The following GLRX3 variants were observed in gnomAD, a reference collection of about 807,000 sequenced individuals.
GLRX3 encodes the protein glutaredoxin 3.
GLRX3 carries 22 observed loss-of-function variants against 49.5 expected under a neutral mutation model. That is an observed-to-expected ratio of 0.44 (90% CI 0.32 to 0.63). The LOEUF is 0.63. Among genes scored for constraint, GLRX3 ranks in the 30% least tolerant of loss-of-function variants. The pLI is 0.05. For missense variants in GLRX3, 385 were observed against 396.3 expected (o/e 0.97, Z 0.24); for synonymous variants, 133 against 140.0 (o/e 0.95, Z 0.35).
At chr10:130,140,297 G>T (rs117355815) in intron 1 of GLRX3, among the ~76,000 whole-genome samples, 2,049 of 152,282 alleles carry the variant, frequency 0.013, 20 homozygotes, top group Non-Finnish European at 0.021. Context: ...TGTGGTTTTT[G>T]TCTGATGGTT....
chr10:130,141,517 A>T (rs1209547880), intron 1 of GLRX3, among the ~76,000 whole-genome samples: 1 of 152,148 alleles, frequency 6.6e-6, no homozygotes, highest in East Asian at 1.9e-4. Context: ...CTGATTTCTT[A>T]CTGTCACTGT....
intron 8 of GLRX3, among the ~76,000 whole-genome samples, chr10:130,173,428 A>G (rs1862853290): frequency 6.6e-6 from 1 of 152,180 alleles, no homozygotes; most frequent in Admixed American, 6.5e-5. Context: ...CGAGCAGACC[A>G]TGCTCTTGCT....
At chr10:130,143,375 G>A (rs899337376) in intron 1 of GLRX3, among the ~76,000 whole-genome samples, 1 of 152,068 alleles carries the variant, frequency 6.6e-6, no homozygotes, top group African/African-American at 2.4e-5. Context: ...GATTTTTTTG[G>A]GAGGTGGTAT....
chr10:130,156,371 C>T (rs1862470962), intron 2 of GLRX3, among the ~76,000 whole-genome samples: 1 of 152,160 alleles, frequency 6.6e-6, no homozygotes, highest in Non-Finnish European at 1.5e-5. Flanking sequence ...CCCAAAGGCC[C>T]CTCTTAATTG....
At chr10:130,178,404 G>A (rs1182456322) in intron 10 of GLRX3, among the ~76,000 whole-genome samples, 1 of 151,978 alleles carries the variant, frequency 6.6e-6, no homozygotes, top group African/African-American at 2.4e-5. Flanking sequence ...ACAGGCACAT[G>A]CCACCATGCC....
chr10:130,154,020 C>T (rs1206437054), intron 2 of GLRX3, among the ~76,000 whole-genome samples: 3 of 152,190 alleles, frequency 2.0e-5, no homozygotes, highest in Non-Finnish European at 4.4e-5. Flanking sequence ...CAGCAATGGC[C>T]TACTCAAGCC....
intron 2 of GLRX3, among the ~76,000 whole-genome samples, chr10:130,154,562 C>T (rs1310666272): frequency 2.0e-5 from 3 of 149,470 alleles, no homozygotes; most frequent in Admixed American, 1.3e-4. Context: ...TTTTGAAATA[C>T]TATTTTTTTT....
At chr10:130,164,227 CTG>C (rs1271466665) in intron 4 of GLRX3, among the ~76,000 whole-genome samples, 2 of 152,188 alleles carry the variant, frequency 1.3e-5, no homozygotes, top group Non-Finnish European at 2.9e-5. Context: ...TGTCCTTACT[CTG>C]TGCTCCTCAT....
At chr10:130,139,650 A>C (rs548625948) in intron 1 of GLRX3, among the ~76,000 whole-genome samples, 2 of 140,122 alleles carry the variant, frequency 1.4e-5, no homozygotes, top group South Asian at 2.4e-4. Flanking sequence ...TCAAAAAAAA[A>C]AAAACCAAAA....
intron 4 of GLRX3, among the ~76,000 whole-genome samples, 191 bp from the exon 5 acceptor site, chr10:130,166,316 A>C (rs1862685712): frequency 6.6e-6 from 1 of 151,848 alleles, no homozygotes; most frequent in East Asian, 1.9e-4. Flanking sequence ...GATATGGTTC[A>C]AGGTCAAATA....
At chr10:130,158,461 T>C (rs1862518095) in intron 2 of GLRX3, among the ~76,000 whole-genome samples, 1 of 152,226 alleles carries the variant, frequency 6.6e-6, no homozygotes, top group South Asian at 2.1e-4. Context: ...AAGATCACAT[T>C]ACCTTATTTC....
rs184005131 is a variant in GLRX3 at position 130,160,737 on chromosome 10, A to G, written c.277-59A>G. The G allele has an allele frequency of 9.7e-5, 96 of 987,894 alleles. 1 individual carries two copies. In the East Asian group the frequency reaches 2.0e-3, roughly 21 times the overall value. The allele number at this position is 987,894 out of a possible 1,614,324, so 61.2% of individuals were successfully genotyped here. On this transcript the variant is annotated intron_variant, in intron 3 of 10. Transcript: ENST00000331244. ...CTGTTGTCCCCTTTAAAAATCTGCT[A>G]TAACAATGTCATTATTATGGAATGC... is the stretch of plus-strand genomic sequence containing the variant.
At chr10:130,153,220 G>T (rs979890618) in intron 2 of GLRX3, among the ~76,000 whole-genome samples, 10 of 152,170 alleles carry the variant, frequency 6.6e-5, no homozygotes, top group African/African-American at 2.4e-4. Flanking sequence ...AAGGTTTTTA[G>T]CTTCCTTGCA....
intron 6 of GLRX3, among the ~76,000 whole-genome samples, chr10:130,168,946 T>G (rs758301939): frequency 9.2e-5 from 14 of 152,196 alleles, no homozygotes; most frequent in Non-Finnish European, 1.9e-4. Flanking sequence ...ATATAAAACA[T>G]GTTAAGATGA....
chr10:130,148,974 C>T (rs1484287251), intron 2 of GLRX3, among the ~76,000 whole-genome samples: 1 of 152,056 alleles, frequency 6.6e-6, no homozygotes, highest in Non-Finnish European at 1.5e-5. Flanking sequence ...GGGAGGATTG[C>T]TTAAGTCCAG....
In GLRX3 at chr10:130,160,908, A is replaced by C; in HGVS notation, c.389A>C (p.Lys130Thr). The change falls in exon 4 of 11, where the codon AAA becomes ACA. Residue 130 changes from lysine to threonine, a missense_variant. By Grantham distance (78) the Lys-to-Thr change is moderately conservative. Around this residue, in one of 2 missense-constraint regions of GLRX3, gnomAD observed 374 missense variants for 358.6 expected, o/e 1.04. Coordinates refer to ENST00000331244, the MANE Select transcript of GLRX3 (RefSeq NM_006541.5). ...CTACCCAGCGCTAATGAACATCTTA[A>C]AGAAGATCTCAACCTTCGCTTGAAG... is the stretch of plus-strand genomic sequence containing the variant. ...SFLPSANEHL[K>T]EDLNLRLKKL... 2 of 1,613,530 alleles carry C rather than the reference A, an allele frequency of 1.2e-6. No homozygotes were observed. Among genetic ancestry groups the C allele is most frequent in the Non-Finnish European group, 1.7e-6 (2 of 1,179,466 alleles).
intron 4 of GLRX3, among the ~76,000 whole-genome samples, chr10:130,162,940 A>G (rs1303778255): frequency 1.3e-5 from 2 of 152,052 alleles, no homozygotes; most frequent in African/African-American, 4.8e-5. Context: ...TAGATATTGT[A>G]TGATTATTCA....
chr10:130,157,974 G>A (rs1469159815), intron 2 of GLRX3, among the ~76,000 whole-genome samples: 1 of 152,116 alleles, frequency 6.6e-6, no homozygotes, highest in Non-Finnish European at 1.5e-5. Flanking sequence ...GACTTCAGAT[G>A]CCCTTGATGT....
Position 130,136,486 on chromosome 10 carries a change from TGA to T in GLRX3, c.68_69del (p.Glu23GlyfsTer35). 7.9e-7 allele frequency: 1 copy of T among 1,266,272 alleles called. No individual in the cohort carries two copies. Among genetic ancestry groups the T allele is most frequent in the Non-Finnish European group, 1.0e-6 (1 of 999,584 alleles). 78.4% of individuals were successfully genotyped at this position (1,266,272 alleles called of 1,614,324 possible). A position where few individuals can be genotyped will look rare whatever the true frequency, so the allele number is the denominator to read the frequency against. On this transcript the variant is annotated frameshift_variant, in exon 1 of 11. Transcript: ENST00000331244. LOFTEE classifies it high-confidence loss of function. ...AGGAGGTCGGCTCAGCCGGGCAGTT[TGA>T]GGAGCTGCTGCGCCTCAAAGCCAAG... ...VEEVGSAGQF[E>X]ELLRLKAKSL... is the part of the protein sequence containing the mutation.
Sources: gnomAD v4.1 joint callset for allele counts (sites outside exome capture counted in the v4.1 genomes callset) on GRCh38, gnomAD v4.1.1 for gene constraint, gnomAD v4.1.1 regional missense constraint, MANE v1.5 for transcripts, NCBI Gene and HGNC (gene_info 2026-07-23, HGNC 2026-07-21) for gene names.